The following SPATC1L variants were observed in gnomAD, a reference collection of about 807,000 sequenced individuals.
SPATC1L encodes spermatogenesis and centriole associated 1 like, also known as speriolin-like protein.
In SPATC1L, 20 loss-of-function variants were observed where a neutral mutation model predicts 21.2. The ratio of observed to expected loss-of-function variants is 0.94; its 90% CI spans 0.66 to 1.37. The LOEUF is 1.37. SPATC1L is among the 40% of genes most tolerant of loss of function. The pLI, the probability that SPATC1L is intolerant of heterozygous loss-of-function variation, is 0.00. For synonymous variants in SPATC1L, 290 were observed against 234.5 expected (o/e 1.24, Z -2.16); for missense variants, 499 against 478.7 (o/e 1.04, Z -0.40).
At position 46,161,385 on chromosome 21, in the gene SPATC1L, G is replaced by A; in HGVS notation, c.1017C>T (p.Ala339=). ...LSKEDGKPLF[A]W is the part of the protein sequence containing the mutation. ...GCGGCGGGCGCGGGGCGGCTCACCAGGCGAAGAGGGGCTTGCCGTCCTCCT... is the reference window on the plus strand; with the variant it reads ...GCGGCGGGCGCGGGGCGGCTCACCAAGCGAAGAGGGGCTTGCCGTCCTCCT... Residue 339 remains alanine, a synonymous_variant, in exon 5 of 5, where the codon GCC becomes GCT. Coordinates refer to ENST00000291672, the MANE Select transcript of SPATC1L (RefSeq NM_001142854.2). 1 of 1,517,022 alleles carries A rather than the reference G, an allele frequency of 6.6e-7. No homozygotes were observed. Among genetic ancestry groups the A allele is most frequent in the Non-Finnish European group, 8.8e-7 (1 of 1,135,702 alleles). 94.0% of individuals were successfully genotyped at this position (1,517,022 alleles called of 1,614,324 possible).
chr21:46,175,754 G>T (rs2079628009), intron 2 of SPATC1L, among the ~76,000 whole-genome samples: 1 of 152,092 alleles, frequency 6.6e-6, no homozygotes, highest in East Asian at 1.9e-4. Flanking sequence ...ACCATTCCTG[G>T]TGAAACTATT....
chr21:46,162,590 C>CTTTTTTTTTTTTTTTT, intron 3 of SPATC1L, among the ~76,000 whole-genome samples: 1 of 133,412 alleles, frequency 7.5e-6, no homozygotes. Flanking sequence ...GTTGGCAGGA[C>CTTTTTTTTTTTTTTTT]TTTTTTTTTT....
rs1386461904 is a variant in SPATC1L at position 46,161,401 on chromosome 21, CCGTCCT to C, written c.995_1000del (p.Glu332_Asp333del). The C allele has an allele frequency of 2.6e-6, 4 of 1,528,532 alleles. No homozygotes were observed. Among genetic ancestry groups the C allele is most frequent in the African/African-American group, 2.7e-5 (2 of 72,818 alleles). The allele number at this position is 1,528,532 out of a possible 1,614,324, so 94.7% of individuals were successfully genotyped here. A position where few individuals can be genotyped will look rare whatever the true frequency, so the allele number is the denominator to read the frequency against. On this transcript the variant is annotated inframe_deletion, in exon 5 of 5. Transcript: ENST00000291672. ...GGCTCACCAGGCGAAGAGGGGCTTGCCGTCCTCCTTGGAGAGCTCGCACAGGCAGTT... is the reference window on the plus strand; with the variant it reads ...GGCTCACCAGGCGAAGAGGGGCTTGCCCTTGGAGAGCTCGCACAGGCAGTT...
intron 2 of SPATC1L, among the ~76,000 whole-genome samples, chr21:46,174,590 C>T (rs1032511016): frequency 6.6e-6 from 1 of 152,058 alleles, no homozygotes; most frequent in Admixed American, 6.5e-5. Flanking sequence ...TGGTGAAGGG[C>T]TCAATTTAAC....
At chr21:46,172,324 A>G (rs565728091) in intron 2 of SPATC1L, among the ~76,000 whole-genome samples, 52 of 152,328 alleles carry the variant, frequency 3.4e-4, no homozygotes, top group African/African-American at 1.2e-3. Context: ...AGCAAGAGGC[A>G]GGGTGTGCAG....
chr21:46,180,206 G>A (rs950671159), intron 2 of SPATC1L, among the ~76,000 whole-genome samples: 9 of 152,202 alleles, frequency 5.9e-5, no homozygotes, highest in African/African-American at 9.7e-5. Flanking sequence ...CAAGTGTGCC[G>A]GGGAGATCTG....
intron 3 of SPATC1L, 144 bp downstream of exon 3, chr21:46,168,164 C>G: frequency 1.9e-6 from 1 of 527,442 alleles, no homozygotes; most frequent in East Asian, 3.0e-5. Flanking sequence ...AGCCTTGGAC[C>G]CCAGCCTCCC....
At chr21:46,178,784 G>A (rs1388081686) in intron 2 of SPATC1L, among the ~76,000 whole-genome samples, 1 of 152,138 alleles carries the variant, frequency 6.6e-6, no homozygotes, top group African/African-American at 2.4e-5. Flanking sequence ...CTACTGGGGA[G>A]GGCAAGGCAG....
intron 2 of SPATC1L, among the ~76,000 whole-genome samples, chr21:46,169,270 A>G (rs76802500): frequency 0.016 from 1,393 of 86,692 alleles, 56 homozygotes; most frequent in South Asian, 0.03. Flanking sequence ...TCTGTGGATG[A>G]GGAGGAGCCC....
In SPATC1L at chr21:46,161,312, G is replaced by T; in HGVS notation, c.*67C>A. 1 of 1,391,228 alleles carries T rather than the reference G, an allele frequency of 7.2e-7. No individual in the cohort carries two copies. The highest frequency in any genetic ancestry group is 9.4e-7 in the Non-Finnish European group (1 of 1,060,776). 86.2% of individuals were successfully genotyped at this position (1,391,228 alleles called of 1,614,324 possible). ...CTTTCCCCTCCGGGGGGACGCGCAGGAGGCACCGCGGCCCCGGGTTGGAAC... is the reference window on the plus strand; with the variant it reads ...CTTTCCCCTCCGGGGGGACGCGCAGTAGGCACCGCGGCCCCGGGTTGGAAC... On this transcript the variant is annotated 3_prime_UTR_variant, in exon 5 of 5. Coordinates refer to ENST00000291672, the MANE Select transcript of SPATC1L (RefSeq NM_001142854.2).
intron 3 of SPATC1L, among the ~76,000 whole-genome samples, chr21:46,165,732 T>C (rs2079535688): frequency 6.6e-6 from 1 of 152,234 alleles, no homozygotes. Context: ...GCCTCTCCTA[T>C]AGAAACCTTC....
At chr21:46,180,254 G>T (rs774378271) in intron 2 of SPATC1L, among the ~76,000 whole-genome samples, 7 of 152,192 alleles carry the variant, frequency 4.6e-5, no homozygotes, top group Admixed American at 6.5e-5. Flanking sequence ...GAAATGGATC[G>T]TTAAGGGGGA....
At chr21:46,167,047 C>G (rs1025879126) in intron 3 of SPATC1L, among the ~76,000 whole-genome samples, 1 of 151,914 alleles carries the variant, frequency 6.6e-6, no homozygotes, top group South Asian at 2.1e-4. Flanking sequence ...CTTTAAAAAT[C>G]AAAAAAATTG....
At chr21:46,163,844 GTTTCTGCTTGTCAA>G (rs1182627282) in intron 3 of SPATC1L, among the ~76,000 whole-genome samples, 2 of 152,026 alleles carry the variant, frequency 1.3e-5, no homozygotes, top group Non-Finnish European at 2.9e-5. Flanking sequence ...ATGAATTTCA[GTTTCTGCTTGTCAA>G]TTTCTGTAAA....
intron 2 of SPATC1L, among the ~76,000 whole-genome samples, chr21:46,175,490 C>T (rs910061960): frequency 2.6e-5 from 4 of 151,998 alleles, no homozygotes; most frequent in Admixed American, 6.6e-5. Flanking sequence ...CTACTGACCC[C>T]GCAAAAATAC....
At chr21:46,164,240 T>C (rs1178764107) in intron 3 of SPATC1L, among the ~76,000 whole-genome samples, 1 of 152,160 alleles carries the variant, frequency 6.6e-6, no homozygotes, top group Non-Finnish European at 1.5e-5. Context: ...CTTGAACTCC[T>C]GGGCTCAAGA....
chr21:46,183,063 C>T lies in SPATC1L; in HGVS notation c.-247G>A, dbSNP rs1055195266. On this transcript the variant is annotated 5_prime_UTR_variant, in exon 2 of 5. It adds an upstream start codon to the 5' untranslated region. Coordinates refer to ENST00000291672, the MANE Select transcript of SPATC1L (RefSeq NM_001142854.2). ...TGGCGTGCACAGGCAGCCACTCCCA[C>T]ATTATGACCAGGGCCCGAGAATGCC... 3.7e-5 allele frequency: 18 copies of T among 490,338 alleles called. No individual in the cohort carries two copies. Among genetic ancestry groups the T allele is most frequent in the South Asian group, 7.2e-5 (2 of 27,690 alleles). The allele number at this position is 490,338 out of a possible 1,614,324, so 30.4% of individuals were successfully genotyped here. A position where few individuals can be genotyped will look rare whatever the true frequency, so the allele number is the denominator to read the frequency against.
At chr21:46,164,782 A>G (rs1440462984) in intron 3 of SPATC1L, among the ~76,000 whole-genome samples, 2 of 135,016 alleles carry the variant, frequency 1.5e-5, no homozygotes, top group African/African-American at 3.2e-5. Context: ...ACAGAGCGAG[A>G]CTCCATCTCA....
chr21:46,171,214 C>T (rs2839130), intron 2 of SPATC1L, among the ~76,000 whole-genome samples: 41,612 of 152,226 alleles, frequency 0.27, 6,994 homozygotes, highest in African/African-American at 0.46. Flanking sequence ...CAATCCCTGG[C>T]CAAATTTAGC....
Sources: allele counts gnomAD v4.1 joint callset (sites outside exome capture counted in the v4.1 genomes callset), GRCh38; gene constraint gnomAD v4.1.1; transcripts MANE v1.5; gene names NCBI Gene and HGNC (gene_info 2026-07-23, HGNC 2026-07-21).